IVNS1ABP: variants seen among roughly 807,000 people sequenced by gnomAD.
IVNS1ABP encodes the protein influenza virus NS1A binding protein, also known as influenza virus NS1A-binding protein.
IVNS1ABP carries 25 observed loss-of-function variants against 78.9 expected under a neutral mutation model. The ratio of observed to expected loss-of-function variants is 0.32; its 90% CI spans 0.23 to 0.44. IVNS1ABP has a LOEUF of 0.44. Among genes scored for constraint, IVNS1ABP ranks in the 20% least tolerant of loss-of-function variants. IVNS1ABP has a pLI of 1.00. For missense variants in IVNS1ABP, 494 were observed against 768.9 expected, an observed-to-expected ratio of 0.64 and a Z score of 4.23; for synonymous variants, 241 against 259.7, an observed-to-expected ratio of 0.93 and a Z score of 0.69.
At position 185,299,396 on chromosome 1, in the gene IVNS1ABP, G is replaced by A. The variant is rs903731115; in HGVS notation, c.1675+314C>T. The A allele has an allele frequency of 1.5e-5, 5 of 339,232 alleles. No homozygotes were observed. In the Admixed American group the frequency reaches 1.7e-4, roughly 11 times the overall value. The allele number at this position is 339,232 out of a possible 1,614,324, so 21.0% of individuals were successfully genotyped here. ...TGCAGATCAGATTCTTTAAATTCTG[G>A]CTGTAAAGAAGGGGAAACTCAAAAT... On this transcript the variant is annotated intron_variant, in intron 14 of 14. Coordinates refer to ENST00000367498, the MANE Select transcript of IVNS1ABP (RefSeq NM_006469.5).
At position 185,305,393 on chromosome 1, in the gene IVNS1ABP, CTTG is replaced by C. The variant is rs1471581974; in HGVS notation, c.765+140_765+142del. On this transcript the variant is annotated intron_variant, in intron 8 of 14. Transcript: ENST00000367498. The surrounding 1 kb of genome is among the most constrained non-coding windows in gnomAD (Gnocchi z 4.0). ...GCAAAAATACTAACTCTAAGATATG[CTTG>C]TTTTCTCCCAAAAATGTTTCTGTCC... is the stretch of plus-strand genomic sequence containing the variant. The C allele has an allele frequency of 9.9e-6, 8 of 809,358 alleles. No individual in the cohort carries two copies. The highest frequency in any genetic ancestry group is 2.8e-5 in the Admixed American group (1 of 35,608). 50.1% of individuals were successfully genotyped at this position (809,358 alleles called of 1,614,324 possible). A position where few individuals can be genotyped will look rare whatever the true frequency, so the allele number is the denominator to read the frequency against.
In IVNS1ABP at chr1:185,296,563, C is replaced by T. The variant is rs1011872589; in HGVS notation, c.*1472G>A. The stretch of plus-strand genomic sequence containing the variant: ...CAGAGTTACCAACCAAACTGATTTG[C>T]TTTCCTGGTGGTTCTTTGTGTAACA... On this transcript the variant is annotated 3_prime_UTR_variant, in exon 15 of 15. Coordinates refer to ENST00000367498, the MANE Select transcript of IVNS1ABP (RefSeq NM_006469.5). The T allele has an allele frequency of 6.6e-6, 1 of 152,098 alleles. No homozygotes were observed. The highest frequency in any genetic ancestry group is 1.5e-5 in the Non-Finnish European group (1 of 67,996). The allele number at this position is 152,098 out of a possible 1,614,324, so 9.4% of individuals were successfully genotyped here. A position where few individuals can be genotyped will look rare whatever the true frequency, so the allele number is the denominator to read the frequency against.
intron 7 of IVNS1ABP, chr1:185,306,599 T>C: frequency 8.0e-7 from 1 of 1,247,222 alleles, no homozygotes; most frequent in South Asian, 1.4e-5. Context: ...TTCTTCAGTC[T>C]TGGGTATCCT....
At chr1:185,308,228 G>A (rs918939985) in intron 5 of IVNS1ABP, among the ~76,000 whole-genome samples, 5 of 152,156 alleles carry the variant, frequency 3.3e-5, no homozygotes, top group African/African-American at 9.7e-5. Flanking sequence ...TTTTAGGCTT[G>A]TAGGCCATTC....
chr1:185,301,753 A>G, intron 8 of IVNS1ABP, 190 bp from the exon 9 acceptor site: 3 of 516,838 alleles, frequency 5.8e-6, no homozygotes, highest in Admixed American at 3.3e-5. Flanking sequence ...CCACTCAATG[A>G]TGAGACAACT....
chr1:185,313,333 T>C (rs1009560589), intron 1 of IVNS1ABP, among the ~76,000 whole-genome samples: 4 of 152,204 alleles, frequency 2.6e-5, no homozygotes, highest in African/African-American at 9.6e-5. Flanking sequence ...ATCAAGGTCA[T>C]AATATGAACC....
At chr1:185,312,516 G>A (rs1245980757) in intron 1 of IVNS1ABP, among the ~76,000 whole-genome samples, 3 of 152,276 alleles carry the variant, frequency 2.0e-5, no homozygotes, top group East Asian at 1.9e-4. Context: ...GGTCCAGTTC[G>A]AATTCAACAA....
At chr1:185,316,679 G>A (rs906777719) in intron 1 of IVNS1ABP, among the ~76,000 whole-genome samples, 1 of 152,106 alleles carries the variant, frequency 6.6e-6, no homozygotes, top group Non-Finnish European at 1.5e-5. Flanking sequence ...GTGTAGCAAA[G>A]GGGCTCCAGC....
In IVNS1ABP at chr1:185,309,617, A is replaced by T. The variant is rs74846319; in HGVS notation, c.-18-106T>A. Reference sequence around the variant, plus strand: ...TCTTTATTCTCAAATTCCATCCTATAAACAACACATAAAAATTTCATCACA... The same window carrying T: ...TCTTTATTCTCAAATTCCATCCTATTAACAACACATAAAAATTTCATCACA... On this transcript the variant is annotated intron_variant, in intron 2 of 14. Coordinates refer to ENST00000367498, the MANE Select transcript of IVNS1ABP (RefSeq NM_006469.5). 9.0e-3 allele frequency: 5,807 copies of T among 642,498 alleles called. 188 individuals carry two copies. Among genetic ancestry groups the T allele is most frequent in the East Asian group, 0.085 (2,891 of 34,088 alleles). The allele number at this position is 642,498 out of a possible 1,614,324, so 39.8% of individuals were successfully genotyped here.
At chr1:185,311,412 G>A (rs1204632078) in intron 1 of IVNS1ABP, 90 bp from the exon 2 acceptor site, 2 of 379,872 alleles carry the variant, frequency 5.3e-6, no homozygotes. Flanking sequence ...AACAAGTCCT[G>A]ATCTTCAAGA....
intron 5 of IVNS1ABP, 108 bp from the exon 6 acceptor site, chr1:185,307,770 A>C (rs1198301248): frequency 1.6e-6 from 2 of 1,272,436 alleles, no homozygotes; most frequent in Non-Finnish European, 2.2e-6. Flanking sequence ...ATCAAAAATC[A>C]CTGTCTTAAT....
intron 1 of IVNS1ABP, among the ~76,000 whole-genome samples, chr1:185,315,867 C>A (rs1389133330): frequency 6.6e-6 from 1 of 152,210 alleles, no homozygotes; most frequent in Non-Finnish European, 1.5e-5. Context: ...ACGACACACT[C>A]AACGAACAGC....
Position 185,305,218 on chromosome 1 carries a change from G to A in IVNS1ABP, c.765+318C>T, listed in dbSNP as rs1665707159. Reference sequence around the variant, plus strand: ...TGCCCCTTTTTAAAAAAAACTATCAGTCATGCCTGACACAAACAACTGCTT... The same window carrying A: ...TGCCCCTTTTTAAAAAAAACTATCAATCATGCCTGACACAAACAACTGCTT... On this transcript the variant is annotated intron_variant, in intron 8 of 14. Coordinates refer to ENST00000367498, the MANE Select transcript of IVNS1ABP (RefSeq NM_006469.5). The surrounding 1 kb of genome is among the most constrained non-coding windows in gnomAD (Gnocchi z 4.0). Among the ~76,000 whole-genome samples, 1 of 151,968 alleles carries A rather than the reference G, an allele frequency of 6.6e-6. No individual in the cohort carries two copies. The highest frequency in any genetic ancestry group is 6.6e-5 in the Admixed American group (1 of 15,248).
In IVNS1ABP at chr1:185,300,340, G is replaced by A. The variant is rs1203157059; in HGVS notation, c.1246C>T (p.Gln416Ter). The change falls in exon 12 of 15, where the codon CAG becomes TAG. Residue 416 changes from glutamine (Q) to a stop codon, truncating the protein, a stop_gained. Transcript: ENST00000367498. LOFTEE classifies it high-confidence loss of function. ...TTTGATCCACCTACCACATAGAGCT[G>A]GCCCTATGCCAAAAGTGAGAGATGA... ...ARFQMAVLMGQLYVVGGSNGH... is the reference protein window; with the variant it reads ...ARFQMAVLMG 1 of 1,613,378 alleles carries A rather than the reference G, an allele frequency of 6.2e-7. No individual in the cohort carries two copies. Among genetic ancestry groups the A allele is most frequent in the Non-Finnish European group, 8.5e-7 (1 of 1,179,706 alleles).
chr1:185,300,958 G>A lies in IVNS1ABP; in HGVS notation c.1120+14C>T, dbSNP rs759510319. 1.2e-6 allele frequency: 2 copies of A among 1,603,622 alleles called. No individual in the cohort carries two copies. The highest frequency in any genetic ancestry group is 1.7e-6 in the Non-Finnish European group (2 of 1,171,786). ...CATCTACATGCTTAGCCAGTTGAAT[G>A]CTTCTGTTCTTACCTGCAGCTATGA... On this transcript the variant is annotated intron_variant, in intron 10 of 14. Transcript: ENST00000367498.
intron 1 of IVNS1ABP, among the ~76,000 whole-genome samples, chr1:185,316,563 C>A (rs1288101730): frequency 6.6e-6 from 1 of 152,220 alleles, no homozygotes; most frequent in Non-Finnish European, 1.5e-5. Flanking sequence ...GAGTCCCGCG[C>A]CCTCCTTCCG....
chr1:185,308,111 CAGGGATATGTACTGTAAATTA>C, intron 5 of IVNS1ABP: 1 of 1,434,962 alleles, frequency 7.0e-7, no homozygotes, highest in South Asian at 1.3e-5. Flanking sequence ...AAACTAAATG[CAGGGATATGTACTGTAAATTA>C]AGGAAGGATT....
chr1:185,302,278 A>G (rs1189349713), intron 8 of IVNS1ABP, among the ~76,000 whole-genome samples: 2 of 152,188 alleles, frequency 1.3e-5, no homozygotes, highest in Non-Finnish European at 2.9e-5. Context: ...GCCAATTTCC[A>G]AATGATTGTA....
chr1:185,309,815 C>T (rs1324973305), intron 2 of IVNS1ABP, among the ~76,000 whole-genome samples: 2 of 151,608 alleles, frequency 1.3e-5, no homozygotes, highest in African/African-American at 4.8e-5. Context: ...GGGAAGGAAA[C>T]GAAACTCCAT....
Sources: gnomAD v4.1 joint callset for allele counts (sites outside exome capture counted in the v4.1 genomes callset) on GRCh38, gnomAD v4.1.1 for gene constraint, Gnocchi (gnomAD v3.1) non-coding constraint, MANE v1.5 for transcripts, NCBI Gene and HGNC (gene_info 2026-07-23, HGNC 2026-07-21) for gene names.